Variants in GRAMD1A observed in about 807,000 individuals in gnomAD.
GRAMD1A encodes protein Aster-A.
Under a neutral mutation model 92.0 loss-of-function variants are expected in GRAMD1A, and 50 were observed. The ratio of observed to expected loss-of-function variants is 0.54; its 90% confidence interval spans 0.43 to 0.69. The LOEUF (loss-of-function observed/expected upper bound fraction) is 0.69, where lower values mean the gene tolerates loss of function less well. GRAMD1A is among the 30% of genes least tolerant of loss of function. The pLI is 0.00. For synonymous variants in GRAMD1A, 405 were observed against 403.6 expected (o/e 1.00, Z -0.04); for missense variants, 819 against 978.9 (o/e 0.84, Z 2.18).
At chr19:34,996,043 G>A (rs1568310387), upstream of GRAMD1A, 1 of 1,535,322 alleles carries the variant, frequency 6.5e-7, no homozygotes, top group Non-Finnish European at 8.7e-7. Context: ...TCCTGCCCCT[G>A]ATGCCTTGGG....
In GRAMD1A at chr19:35,026,044, C is replaced by T. The variant is rs1345894022; in HGVS notation, c.2083-5C>T. 1.9e-6 allele frequency: 3 copies of T among 1,540,664 alleles called. No individual in the cohort carries two copies. Among genetic ancestry groups the T allele is most frequent in the East Asian group, 2.2e-5 (1 of 44,558 alleles). On this transcript the variant is annotated splice_region_variant and splice_polypyrimidine_tract_variant and intron_variant, in intron 19 of 19. Coordinates refer to ENST00000317991, the MANE Select transcript of GRAMD1A (RefSeq NM_020895.5). ...CCCCCGACCCTGCTCACCTCCTCCC[C>T]GCAGATGAAGTTCTCGCTGGAGAAG...
intron 1 of GRAMD1A, among the ~76,000 whole-genome samples, chr19:35,004,190 A>T (rs1373646362): frequency 6.6e-6 from 1 of 152,052 alleles, no homozygotes; most frequent in African/African-American, 2.4e-5. Context: ...GAGGCTGAGG[A>T]TTGAGAATTC....
intron 7 of GRAMD1A, among the ~76,000 whole-genome samples, chr19:35,012,791 A>G (rs1316976110): frequency 6.6e-6 from 1 of 152,218 alleles, no homozygotes; most frequent in African/African-American, 2.4e-5. Context: ...CCTGGCCAAC[A>G]TGGTGAAACC....
chr19:34,996,502 C>G (rs2014042146), upstream of GRAMD1A, among the ~76,000 whole-genome samples: 1 of 152,198 alleles, frequency 6.6e-6, no homozygotes, highest in Non-Finnish European at 1.5e-5. Context: ...CAGCTGAGTT[C>G]TGCCTAGTAA....
In GRAMD1A at chr19:35,015,836, C is replaced by T. The variant is rs770540006; in HGVS notation, c.1082C>T (p.Ala361Val). 1.2e-6 allele frequency: 2 copies of T among 1,613,662 alleles called. No homozygotes were observed. The highest frequency in any genetic ancestry group is 1.3e-5 in the African/African-American group (1 of 74,918). ...SSTGEEADLAALLPDLSGRLL... is the reference protein window; with the variant it reads ...SSTGEEADLAVLLPDLSGRLL... ...CCTCTGTCTCCAGCGGACTTGGCTG[C>T]CCTGCTTCCCGACCTCTCCGGCCGC... is the stretch of plus-strand genomic sequence containing the variant. Residue 361 changes from alanine to valine, a missense_variant, in exon 11 of 20, where the codon GCC becomes GTC. Ala to Val is a moderately conservative substitution (Grantham distance 64, BLOSUM62 0). This residue lies in a region of GRAMD1A where 577 missense variants were observed against 674.6 expected (regional missense o/e 0.86). Coordinates refer to ENST00000317991, the MANE Select transcript of GRAMD1A (RefSeq NM_020895.5).
rs756002524 is a variant in GRAMD1A, at chr19:35,023,529, C to A, written c.2064C>A (p.Ser688=). The change falls in exon 19 of 20, where the codon TCC becomes TCA. Residue 688 remains serine (S), a synonymous_variant. Transcript: ENST00000317991. The part of the protein sequence containing the change: ...VHKWRQILRA[S]VELLDEMKFS... Reference sequence around the variant, plus strand: ...AGTGGAGGCAGATCCTGCGGGCCTCCGTGGAGCTCCTGGATGAGGTAGGAG... The same window carrying A: ...AGTGGAGGCAGATCCTGCGGGCCTCAGTGGAGCTCCTGGATGAGGTAGGAG... 1 of 1,579,504 alleles carries A rather than the reference C, an allele frequency of 6.3e-7. No individual in the cohort carries two copies. Among genetic ancestry groups the A allele is most frequent in the Non-Finnish European group, 8.6e-7 (1 of 1,165,932 alleles).
chr19:35,026,028 C>G, intron 19 of GRAMD1A, 21 bp from the exon 20 acceptor site: 1 of 1,356,898 alleles, frequency 7.4e-7, no homozygotes, highest in Non-Finnish European at 1.1e-6. Context: ...ACCCCCGACC[C>G]TGCTCACCTC....
At chr19:35,010,441 A>C in intron 6 of GRAMD1A, 62 bp downstream of exon 6, 3 of 1,056,128 alleles carry the variant, frequency 2.8e-6, no homozygotes, top group Non-Finnish European at 3.0e-6. Context: ...CCTCCCCCAA[A>C]CATGCAAAGC....
chr19:35,010,616 A>C (rs2151713299), intron 6 of GRAMD1A: 3 of 578,278 alleles, frequency 5.2e-6, no homozygotes, highest in South Asian at 2.2e-5. Context: ...AAATAGTAAA[A>C]CTCTTCCATG....
At chr19:35,010,226 C>G (rs555622212) in intron 5 of GRAMD1A, 31 bp downstream of exon 5, 15 of 1,588,886 alleles carry the variant, frequency 9.4e-6, no homozygotes, top group South Asian at 2.2e-5. Flanking sequence ...GGTACAGGGG[C>G]GGGGGCCCCC....
chr19:35,008,383 T>A (rs1451421077), intron 1 of GRAMD1A, among the ~76,000 whole-genome samples: 1 of 151,672 alleles, frequency 6.6e-6, no homozygotes, highest in Admixed American at 6.6e-5. Flanking sequence ...CTATGTGCCA[T>A]GCTCTGTTAG....
Position 35,010,183 on chromosome 19 carries a change from C to A in GRAMD1A, c.417C>A (p.Arg139=), listed in dbSNP as rs768600557. ...TCTGCTTCTACAGCAACATCTTCCGCTGGGAGACCACGGTGAGCCCGCAGC... is the reference window on the plus strand; with the variant it reads ...TCTGCTTCTACAGCAACATCTTCCGATGGGAGACCACGGTGAGCCCGCAGC... ...NWICFYSNIF[R]WETTISIQLK... Residue 139 remains arginine (R), a synonymous_variant, in exon 5 of 20, where the codon CGC becomes CGA. Transcript: ENST00000317991. The A allele has an allele frequency of 8.1e-6, 13 of 1,611,924 alleles. No homozygotes were observed. The African/African-American group carries it at 1.2e-4, about 15-fold the overall frequency.
chr19:35,000,535 C>T lies in GRAMD1A; in HGVS notation c.8+49C>T, dbSNP rs1340382814. ...CAGGGACCGGGCGCGCGGGGGAGGC[C>T]ACCGGAGGGAGGGGGCGCCGCGGGC... On this transcript the variant is annotated intron_variant, in intron 1 of 19. Coordinates refer to ENST00000317991, the MANE Select transcript of GRAMD1A (RefSeq NM_020895.5). The surrounding 1 kb of genome is among the most constrained non-coding windows in gnomAD (Gnocchi z 4.9). 19 of 1,242,414 alleles carry T rather than the reference C, an allele frequency of 1.5e-5. No individual in the cohort carries two copies. Among genetic ancestry groups the T allele is most frequent in the Non-Finnish European group, 1.9e-5 (19 of 985,734 alleles). 77.0% of individuals were successfully genotyped at this position (1,242,414 alleles called of 1,614,324 possible).
chr19:35,009,870 CCT>C lies in GRAMD1A; in HGVS notation c.241-14_241-13del. 6.6e-7 allele frequency: 1 copy of C among 1,526,016 alleles called. No individual in the cohort carries two copies. 94.5% of individuals were successfully genotyped at this position (1,526,016 alleles called of 1,614,324 possible). A position where few individuals can be genotyped will look rare whatever the true frequency, so the allele number is the denominator to read the frequency against. On this transcript the variant is annotated splice_polypyrimidine_tract_variant and intron_variant, in intron 3 of 19. Transcript: ENST00000317991. ...GTGTGAACCCCCATCCAGGTTCTCA[CCT>C]CTCAAACTTCCTCAGATGCTGAGCC... is the stretch of plus-strand genomic sequence containing the variant.
At position 35,000,513 on chromosome 19, in the gene GRAMD1A, G is replaced by A; in HGVS notation, c.8+27G>A. On this transcript the variant is annotated intron_variant, in intron 1 of 19. Coordinates refer to ENST00000317991, the MANE Select transcript of GRAMD1A (RefSeq NM_020895.5). The surrounding 1 kb of genome is among the most constrained non-coding windows in gnomAD (Gnocchi z 4.9). Reference sequence around the variant, plus strand: ...TAAGGACCGGGCGACTAGAGCTCAGGGACCGGGCGCGCGGGGGAGGCCACC... The same window carrying A: ...TAAGGACCGGGCGACTAGAGCTCAGAGACCGGGCGCGCGGGGGAGGCCACC... The A allele has an allele frequency of 7.9e-7, 1 of 1,263,098 alleles. No individual in the cohort carries two copies. Among genetic ancestry groups the A allele is most frequent in the Non-Finnish European group, 1.0e-6 (1 of 998,428 alleles). The allele number at this position is 1,263,098 out of a possible 1,614,324, so 78.2% of individuals were successfully genotyped here. A position where few individuals can be genotyped will look rare whatever the true frequency, so the allele number is the denominator to read the frequency against.
At position 35,021,813 on chromosome 19, in the gene GRAMD1A, C is replaced by T. The variant is rs1479830872; in HGVS notation, c.1702C>T (p.Pro568Ser). Residue 568 changes from proline (P) to serine (S), a missense_variant, in exon 15 of 20, where the codon CCC becomes TCC. By Grantham distance (74) the Pro-to-Ser change is moderately conservative. Around this residue, in one of 3 missense-constraint regions of GRAMD1A, gnomAD observed 577 missense variants for 674.6 expected, o/e 0.86. Coordinates refer to ENST00000317991, the MANE Select transcript of GRAMD1A (RefSeq NM_020895.5). This position sits in a 1 kb window ranked among gnomAD's most constrained non-coding sequence, Gnocchi z 5.3. ...PLSWRAHGDG[P>S]QHPDPDPCAR... ...GAGCTGGCGGGCTCACGGGGACGGG[C>T]CCCAGCACCCAGATCCTGACCCCTG... is the stretch of plus-strand genomic sequence containing the variant. The T allele has an allele frequency of 1.9e-6, 3 of 1,608,032 alleles. No individual in the cohort carries two copies. The highest frequency in any genetic ancestry group is 2.5e-6 in the Non-Finnish European group (3 of 1,177,294).
At chr19:34,995,570 GGTTTTTTTTTTT>G (rs896317710), upstream of GRAMD1A, among the ~76,000 whole-genome samples, 5 of 80,984 alleles carry the variant, frequency 6.2e-5, no homozygotes, top group South Asian at 1.4e-3. Flanking sequence ...TCAGATCACG[GGTTTTTTTTTTT>G]TTTTTTTTTT....
intron 11 of GRAMD1A, among the ~76,000 whole-genome samples, chr19:35,016,362 C>G (rs145986611): frequency 0.017 from 2,515 of 151,950 alleles, 73 homozygotes; most frequent in African/African-American, 0.057. Flanking sequence ...TTTGGGAGGC[C>G]GAGGTGGGCA....
chr19:35,016,922 A>T lies in GRAMD1A; in HGVS notation c.1213+955A>T, dbSNP rs566074867. 1.6e-3 allele frequency among the ~76,000 whole-genome samples: 244 copies of T among 148,722 alleles called. 1 individual carries two copies. Among genetic ancestry groups the T allele is most frequent in the African/African-American group, 5.3e-3 (213 of 40,372 alleles). Reference sequence around the variant, plus strand: ...TCTGTCTCAAAAAAAAAAAAAAAAAAGGTGGGAGGAGGGCCAAGGTGGGAA... The same window carrying T: ...TCTGTCTCAAAAAAAAAAAAAAAAATGGTGGGAGGAGGGCCAAGGTGGGAA... On this transcript the variant is annotated intron_variant, in intron 11 of 19. Transcript: ENST00000317991.
Sources: allele counts gnomAD v4.1 joint callset (sites outside exome capture counted in the v4.1 genomes callset), GRCh38; gene constraint gnomAD v4.1.1; regional missense constraint gnomAD v4.1.1; non-coding constraint Gnocchi (gnomAD v3.1); transcripts MANE v1.5; gene names NCBI Gene and HGNC (gene_info 2026-07-23, HGNC 2026-07-21).